Variants in SETBP1 observed in about 807,000 individuals in gnomAD.
The protein encoded by SETBP1 is SET binding protein 1.
Under a neutral mutation model 101.0 loss-of-function variants are expected in SETBP1, and 9 were observed. That is an observed-to-expected ratio of 0.09 (90% CI 0.05 to 0.16). The LOEUF is 0.16. Ranked by LOEUF, SETBP1 falls within the 10% of genes least tolerant of loss-of-function variation. The pLI, the probability that SETBP1 is intolerant of heterozygous loss-of-function variation, is 1.00. For missense variants in SETBP1, 1,858 were observed against 2,033.8 expected, an observed-to-expected ratio of 0.91 and a Z score of 1.66; for synonymous variants, 818 against 788.5, an observed-to-expected ratio of 1.04 and a Z score of -0.63.
rs1275429578 is a variant in SETBP1, at chr18:44,951,267, A to G, written c.1927A>G (p.Met643Val). 2 of 1,613,820 alleles carry G rather than the reference A, an allele frequency of 1.2e-6. No individual in the cohort carries two copies. The highest frequency in any genetic ancestry group is 8.5e-7 in the Non-Finnish European group (1 of 1,180,036). ...AQLVPGEDKPMSEMKFHKKVG... is the reference protein window; with the variant it reads ...AQLVPGEDKPVSEMKFHKKVG... ...GCTAGTGCCGGGAGAGGACAAACCC[A>G]TGAGCGAGATGAAATTTCACAAGAA... The change falls in exon 4 of 6, where the codon ATG becomes GTG. Residue 643 changes from methionine to valine, a missense_variant. Coordinates refer to ENST00000649279, the MANE Select transcript of SETBP1 (RefSeq NM_015559.3). This position sits in a 1 kb window ranked among gnomAD's most constrained non-coding sequence, Gnocchi z 7.8.
At chr18:44,709,473 CTT>C (rs2069293446) in intron 2 of SETBP1, among the ~76,000 whole-genome samples, 1 of 152,222 alleles carries the variant, frequency 6.6e-6, no homozygotes, top group South Asian at 2.1e-4. Context: ...TTAGGCAAGA[CTT>C]AACCTCTTGA....
At chr18:44,773,793 C>A (rs1383892142) in intron 2 of SETBP1, among the ~76,000 whole-genome samples, 1 of 133,246 alleles carries the variant, frequency 7.5e-6, no homozygotes, top group Non-Finnish European at 1.6e-5. Context: ...TCTCAACCAG[C>A]CTCTCTCTCT....
intron 2 of SETBP1, among the ~76,000 whole-genome samples, chr18:44,846,799 G>A (rs1339735102): frequency 1.3e-5 from 2 of 152,168 alleles, no homozygotes; most frequent in Non-Finnish European, 2.9e-5. Context: ...TTCAATAACT[G>A]TTCCACCAAT....
chr18:44,786,372 C>A (rs2071239126), intron 2 of SETBP1, among the ~76,000 whole-genome samples: 1 of 152,174 alleles, frequency 6.6e-6, no homozygotes, highest in Non-Finnish European at 1.5e-5. Context: ...CTAGCACACA[C>A]AGAAATGCAA....
At chr18:44,809,062 A>G (rs757714013) in intron 2 of SETBP1, among the ~76,000 whole-genome samples, 8 of 152,194 alleles carry the variant, frequency 5.3e-5, no homozygotes, top group East Asian at 1.9e-4. Flanking sequence ...GCCTTTTTCT[A>G]TTCAACTACT....
intron 2 of SETBP1, among the ~76,000 whole-genome samples, chr18:44,817,609 C>T (rs766344945): frequency 3.3e-5 from 5 of 150,758 alleles, no homozygotes; most frequent in African/African-American, 9.8e-5. Flanking sequence ...CTCTTGAACC[C>T]GGGAGGCAGA....
intron 2 of SETBP1, among the ~76,000 whole-genome samples, chr18:44,801,406 T>G (rs1001226817): frequency 6.6e-6 from 1 of 152,178 alleles, no homozygotes; most frequent in African/African-American, 2.4e-5. Flanking sequence ...AGACAGAGAA[T>G]GAGACAGGTT....
At chr18:44,680,429 C>G (rs1274769127), upstream of SETBP1, 1 of 151,826 alleles carries the variant, frequency 6.6e-6, no homozygotes, top group Non-Finnish European at 1.5e-5. Context: ...CCCGGGAGCC[C>G]GGGCGCCCAG....
intron 2 of SETBP1, among the ~76,000 whole-genome samples, chr18:44,856,380 T>G (rs536641371): frequency 6.6e-6 from 1 of 152,324 alleles, no homozygotes; most frequent in South Asian, 2.1e-4. Flanking sequence ...AGCATGTCCC[T>G]GGGCAAGTCA....
At chr18:45,018,169 C>T (rs935668803) in intron 4 of SETBP1, among the ~76,000 whole-genome samples, 1 of 152,196 alleles carries the variant, frequency 6.6e-6, no homozygotes, top group African/African-American at 2.4e-5. Context: ...CACAGTTAAA[C>T]ACCTCCTCTG....
intron 3 of SETBP1, among the ~76,000 whole-genome samples, chr18:44,924,529 A>G (rs940083688): frequency 9.9e-5 from 15 of 152,158 alleles, no homozygotes; most frequent in African/African-American, 3.6e-4. Flanking sequence ...TATTTATTAT[A>G]TTAATGGGGA....
Position 44,683,385 on chromosome 18 carries a change from G to A in SETBP1, c.-173+2364G>A, listed in dbSNP as rs540237571. On this transcript the variant is annotated intron_variant, in intron 1 of 5. Coordinates refer to ENST00000649279, the MANE Select transcript of SETBP1 (RefSeq NM_015559.3). ...GAAAAAGGAAACAGTGCTTGGGAGT[G>A]TTTTAGGATTTAGTTGAAAATGGTG... Among the ~76,000 whole-genome samples the A allele has an allele frequency of 2.0e-5, 3 of 152,354 alleles. No homozygotes were observed. In the South Asian group the frequency reaches 6.2e-4, roughly 32 times the overall value.
intron 4 of SETBP1, among the ~76,000 whole-genome samples, chr18:45,032,688 C>T (rs542839100): frequency 6.6e-6 from 1 of 152,230 alleles, no homozygotes; most frequent in African/African-American, 2.4e-5. Flanking sequence ...AGCTATGAGA[C>T]CCTGGGGTTC....
chr18:44,917,512 A>C (rs902438967), intron 3 of SETBP1, among the ~76,000 whole-genome samples: 8 of 152,170 alleles, frequency 5.3e-5, no homozygotes, highest in African/African-American at 1.9e-4. Context: ...GTTATATCTA[A>C]ATGCCCGACT....
rs1205440611 is a variant in SETBP1 at position 44,952,127 on chromosome 18, C to T, written c.2787C>T (p.Ala929=). ...ATCTCATTGTGGACAACTTTCTGGC[C>T]CACGAAAGCCTCAAGAAGCCAAAGC... ...QKHLIVDNFL[A]HESLKKPKHK... is the part of the protein sequence containing the mutation. Residue 929 remains alanine, a synonymous_variant, in exon 4 of 6, where the codon GCC becomes GCT. Coordinates refer to ENST00000649279, the MANE Select transcript of SETBP1 (RefSeq NM_015559.3). 6.2e-7 allele frequency: 1 copy of T among 1,614,072 alleles called. No homozygotes were observed. Among genetic ancestry groups the T allele is most frequent in the East Asian group, 2.2e-5 (1 of 44,864 alleles).
At chr18:44,777,128 C>G (rs927987423) in intron 2 of SETBP1, among the ~76,000 whole-genome samples, 21 of 152,106 alleles carry the variant, frequency 1.4e-4, no homozygotes, top group African/African-American at 5.1e-4. Flanking sequence ...CCAACCTGCA[C>G]AACATAGTGA....
intron 2 of SETBP1, among the ~76,000 whole-genome samples, chr18:44,850,885 C>T (rs2072841709): frequency 6.6e-6 from 1 of 152,208 alleles, no homozygotes; most frequent in South Asian, 2.1e-4. Flanking sequence ...AATTGGTAGA[C>T]ACCTGTCTAT....
At chr18:44,788,016 T>C (rs1159982098) in intron 2 of SETBP1, among the ~76,000 whole-genome samples, 1 of 151,168 alleles carries the variant, frequency 6.6e-6, no homozygotes, top group Non-Finnish European at 1.5e-5. Flanking sequence ...TTTTTTTTTC[T>C]TCACAATAGG....
intron 4 of SETBP1, among the ~76,000 whole-genome samples, chr18:45,025,120 GC>G: frequency 6.6e-6 from 1 of 152,152 alleles, no homozygotes; most frequent in African/African-American, 2.4e-5. Context: ...CAGAGTATCA[GC>G]CGAGGAAGGC....
Sources: gnomAD v4.1 joint callset for allele counts (sites outside exome capture counted in the v4.1 genomes callset) on GRCh38, gnomAD v4.1.1 for gene constraint, Gnocchi (gnomAD v3.1) non-coding constraint, MANE v1.5 for transcripts, NCBI Gene and HGNC (gene_info 2026-07-23, HGNC 2026-07-21) for gene names.